The following BCKDHB variants were observed in gnomAD, a reference collection of about 807,000 sequenced individuals.
The protein encoded by BCKDHB is 2-oxoisovalerate dehydrogenase subunit beta, mitochondrial.
A neutral mutation model predicts 48.5 loss-of-function variants in BCKDHB; 41 were observed. That is an observed-to-expected ratio of 0.85 (90% CI 0.66 to 1.10). BCKDHB has a LOEUF of 1.10. Among genes scored for constraint, BCKDHB ranks in the 50% least tolerant of loss-of-function variants. BCKDHB has a pLI of 0.00. For synonymous variants in BCKDHB, 201 were observed against 174.8 expected (o/e 1.15, Z -1.18); for missense variants, 496 against 494.2 (o/e 1.00, Z -0.03).
chr6:80,415,843 A>C, the BCKDHB span, among the ~76,000 whole-genome samples: 4 of 151,806 alleles, frequency 2.6e-5, no homozygotes, highest in Non-Finnish European at 5.9e-5. Flanking sequence ...TTCCATAGGA[A>C]TGATACCAGC....
At chr6:80,422,432 A>T in the BCKDHB span, among the ~76,000 whole-genome samples, 1 of 152,236 alleles carries the variant, frequency 6.6e-6, no homozygotes, top group African/African-American at 2.4e-5. Flanking sequence ...GCACCCACAC[A>T]GAGTCCCCAA....
chr6:80,126,092 A>G (rs1387575607), intron 1 of BCKDHB, among the ~76,000 whole-genome samples: 7 of 152,194 alleles, frequency 4.6e-5, no homozygotes, highest in Non-Finnish European at 7.4e-5. Context: ...ATCTTTTGCC[A>G]TAAGTGATAT....
chr6:80,293,140 G>A (rs1052700245), intron 9 of BCKDHB, among the ~76,000 whole-genome samples: 3 of 152,116 alleles, frequency 2.0e-5, no homozygotes, highest in Non-Finnish European at 4.4e-5. Flanking sequence ...CTCTTCGCAC[G>A]CTCCACTAGG....
At chr6:80,132,092 G>A (rs1413993962) in intron 3 of BCKDHB, among the ~76,000 whole-genome samples, 1 of 151,948 alleles carries the variant, frequency 6.6e-6, no homozygotes, top group Non-Finnish European at 1.5e-5. Context: ...TTGAGTTACT[G>A]GTTGTTTCTC....
At chr6:80,253,206 A>G (rs544948975) in intron 8 of BCKDHB, among the ~76,000 whole-genome samples, 1 of 152,306 alleles carries the variant, frequency 6.6e-6, no homozygotes, top group African/African-American at 2.4e-5. Flanking sequence ...GGCTAAGGTC[A>G]GTTGGTTGAG....
chr6:80,274,625 A>G (rs1201223760), intron 9 of BCKDHB, among the ~76,000 whole-genome samples: 2 of 152,044 alleles, frequency 1.3e-5, no homozygotes, highest in African/African-American at 2.4e-5. Flanking sequence ...TTCACTGCTT[A>G]TTGATATCTC....
At chr6:80,138,815 C>T (rs940003298) in intron 3 of BCKDHB, among the ~76,000 whole-genome samples, 27 of 152,146 alleles carry the variant, frequency 1.8e-4, no homozygotes, top group African/African-American at 6.0e-4. Context: ...TGGGTATATA[C>T]CCAGTAATGG....
At chr6:80,216,112 G>T (rs1406295112) in intron 8 of BCKDHB, among the ~76,000 whole-genome samples, 1 of 152,198 alleles carries the variant, frequency 6.6e-6, no homozygotes, top group Non-Finnish European at 1.5e-5. Flanking sequence ...CATATGTTAT[G>T]CATGTTTCCT....
At chr6:80,429,979 C>T in the BCKDHB span, among the ~76,000 whole-genome samples, 99 of 152,274 alleles carry the variant, frequency 6.5e-4, no homozygotes, top group Admixed American at 1.7e-3. Context: ...TTTACCCATT[C>T]GGTATGCTAT....
intron 8 of BCKDHB, among the ~76,000 whole-genome samples, chr6:80,231,847 C>A (rs867769240): frequency 2.0e-5 from 3 of 152,130 alleles, no homozygotes; most frequent in Admixed American, 6.5e-5. Context: ...CACCTGTAGT[C>A]CCAGCTACTT....
intron 9 of BCKDHB, among the ~76,000 whole-genome samples, chr6:80,275,447 T>G (rs188492429): frequency 6.6e-6 from 1 of 152,068 alleles, no homozygotes; most frequent in Non-Finnish European, 1.5e-5. Flanking sequence ...TAATATTTGA[T>G]GGAGGAATTA....
At chr6:80,284,829 A>G (rs1019699206) in intron 9 of BCKDHB, among the ~76,000 whole-genome samples, 7 of 152,124 alleles carry the variant, frequency 4.6e-5, no homozygotes, top group Admixed American at 1.3e-4. Flanking sequence ...TCTTAATTGT[A>G]ACACATTTTC....
At chr6:80,408,003 C>T in the BCKDHB span, among the ~76,000 whole-genome samples, 3 of 152,106 alleles carry the variant, frequency 2.0e-5, no homozygotes, top group African/African-American at 7.2e-5. Flanking sequence ...TCGTAAGTAG[C>T]TCTTATTATT....
intron 3 of BCKDHB, among the ~76,000 whole-genome samples, chr6:80,152,410 T>A (rs1771829548): frequency 6.6e-6 from 1 of 152,182 alleles, no homozygotes; most frequent in Non-Finnish European, 1.5e-5. Flanking sequence ...AATATCAGTT[T>A]GCCTGAAATG....
chr6:80,187,889 C>T (rs1773719730), intron 6 of BCKDHB, among the ~76,000 whole-genome samples: 1 of 152,158 alleles, frequency 6.6e-6, no homozygotes, highest in Non-Finnish European at 1.5e-5. Flanking sequence ...GAAATGTCAA[C>T]TGGTTTAGCC....
chr6:80,200,211 C>A (rs1036737202), intron 6 of BCKDHB, among the ~76,000 whole-genome samples: 11 of 152,030 alleles, frequency 7.2e-5, no homozygotes, highest in Middle Eastern at 3.4e-3. Context: ...CTTGGTTGGG[C>A]AGAGAAGTTC....
intron 8 of BCKDHB, among the ~76,000 whole-genome samples, chr6:80,219,200 CTCTTTTTTTTTTTT>C: frequency 6.6e-6 from 1 of 150,644 alleles, no homozygotes; most frequent in East Asian, 1.9e-4. Flanking sequence ...TTGGAATTTA[CTCTTTTTTTTTTTT>C]TCTTTTTTTG....
chr6:80,273,291 T>G, intron 9 of BCKDHB, 70 bp downstream of exon 9: 2 of 1,279,730 alleles, frequency 1.6e-6, no homozygotes, highest in Admixed American at 1.7e-5. Flanking sequence ...AGAAAATAAA[T>G]TACTTATCAC....
intron 9 of BCKDHB, among the ~76,000 whole-genome samples, chr6:80,329,733 C>A (rs776165545): frequency 6.6e-6 from 1 of 152,132 alleles, no homozygotes; most frequent in African/African-American, 2.4e-5. Flanking sequence ...AGGAGTGCTT[C>A]TCCTGGGTTC....
Sources: allele counts gnomAD v4.1 joint callset (sites outside exome capture counted in the v4.1 genomes callset), GRCh38; gene constraint gnomAD v4.1.1; transcripts MANE v1.5; gene names NCBI Gene and HGNC (gene_info 2026-07-23, HGNC 2026-07-21).